Variants in ERBB4 observed in about 807,000 individuals in gnomAD.
ERBB4 encodes the protein erb-b2 receptor tyrosine kinase 4.
A neutral mutation model predicts 158.0 loss-of-function variants in ERBB4; 42 were observed. The observed-to-expected ratio is 0.27, with a 90% CI of 0.21 to 0.34. ERBB4 has a LOEUF of 0.34. Among genes scored for constraint, ERBB4 ranks in the 10% least tolerant of loss-of-function variants. The probability of loss-of-function intolerance (pLI) is 1.00; values close to 1 mark genes in which losing one functional copy is unlikely to be tolerated. For missense variants in ERBB4, 1,333 were observed against 1,624.1 expected (o/e 0.82, Z 3.08); for synonymous variants, 583 against 558.7 (o/e 1.04, Z -0.61).
intron 23 of ERBB4, among the ~76,000 whole-genome samples, chr2:211,422,697 T>C (rs774094360): frequency 1.9e-4 from 29 of 151,894 alleles, no homozygotes; most frequent in African/African-American, 6.5e-4. Flanking sequence ...AATAAAAGTA[T>C]CAAGCTTTCC....
chr2:212,009,476 T>A (rs1295306383), intron 2 of ERBB4, among the ~76,000 whole-genome samples: 2 of 151,854 alleles, frequency 1.3e-5, no homozygotes, highest in Non-Finnish European at 2.9e-5. Context: ...AGCAACACTT[T>A]GATTTTGGCC....
At chr2:212,509,934 AAC>A (rs2106273697) in intron 1 of ERBB4, among the ~76,000 whole-genome samples, 1 of 151,990 alleles carries the variant, frequency 6.6e-6, no homozygotes, top group Non-Finnish European at 1.5e-5. Context: ...ATGCTTAATT[AAC>A]AGTTAACCAT....
intron 1 of ERBB4, among the ~76,000 whole-genome samples, chr2:212,451,746 T>G (rs1505372): frequency 0.25 from 37,869 of 152,134 alleles, 5,095 homozygotes; most frequent in Non-Finnish European, 0.29. Context: ...TGTTCCGATA[T>G]TTTCCAACAT....
chr2:211,788,301 T>C, intron 3 of ERBB4, 142 bp from the exon 4 acceptor site: 1 of 661,102 alleles, frequency 1.5e-6, no homozygotes, highest in Non-Finnish European at 2.7e-6. Flanking sequence ...TTTTAAAATA[T>C]CTTTCAATGA....
At chr2:212,460,328 T>G (rs1285564655) in intron 1 of ERBB4, among the ~76,000 whole-genome samples, 2 of 152,168 alleles carry the variant, frequency 1.3e-5, no homozygotes, top group Non-Finnish European at 2.9e-5. Flanking sequence ...TGGAAGCCAA[T>G]TTGGAACTGA....
intron 16 of ERBB4, among the ~76,000 whole-genome samples, chr2:211,652,674 T>C (rs915627508): frequency 3.9e-5 from 6 of 152,126 alleles, no homozygotes; most frequent in Non-Finnish European, 7.4e-5. Flanking sequence ...GACAAGAATA[T>C]AAAATGTTTC....
rs2087073121 is a variant in ERBB4 at position 212,312,145 on chromosome 2, T to C, written c.83-187242A>G. ...ATAATCCTATGTTTCACATTGTAAC[T>C]GCAGGGGGAGAAAGCAAATGAAATG... On this transcript the variant is annotated intron_variant, in intron 1 of 27. Coordinates refer to ENST00000342788, the MANE Select transcript of ERBB4 (RefSeq NM_005235.3). 2.0e-5 allele frequency among the ~76,000 whole-genome samples: 3 copies of C among 150,936 alleles called. No homozygotes were observed. The South Asian group carries it at 6.2e-4, about 31-fold the overall frequency.
chr2:211,536,186 C>T (rs907984440), intron 20 of ERBB4, among the ~76,000 whole-genome samples: 13 of 151,908 alleles, frequency 8.6e-5, no homozygotes, highest in Non-Finnish European at 1.3e-4. Flanking sequence ...GAGTTACATT[C>T]GATAATTAAA....
At chr2:211,768,535 T>A (rs1212636596) in intron 4 of ERBB4, among the ~76,000 whole-genome samples, 1 of 152,172 alleles carries the variant, frequency 6.6e-6, no homozygotes, top group Non-Finnish European at 1.5e-5. Context: ...TTTCCATACA[T>A]CCTTAGAAAT....
intron 1 of ERBB4, among the ~76,000 whole-genome samples, chr2:212,331,441 T>C (rs2088165147): frequency 6.6e-6 from 1 of 151,660 alleles, no homozygotes. Context: ...TAACAAACAG[T>C]AATAAAAATT....
intron 3 of ERBB4, among the ~76,000 whole-genome samples, chr2:211,876,864 T>A (rs2106134381): frequency 6.6e-6 from 1 of 152,308 alleles, no homozygotes; most frequent in South Asian, 2.1e-4. Context: ...ACAAATATTT[T>A]AAAAACCTAA....
At chr2:211,924,586 C>G (rs996454667) in intron 3 of ERBB4, among the ~76,000 whole-genome samples, 4 of 151,920 alleles carry the variant, frequency 2.6e-5, no homozygotes, top group African/African-American at 9.7e-5. Flanking sequence ...TAGTAATTGG[C>G]TATAGATTAT....
Position 212,538,651 on chromosome 2 carries a change from G to T in ERBB4, c.-121C>A. 7 of 1,011,492 alleles carry T rather than the reference G, an allele frequency of 6.9e-6. No individual in the cohort carries two copies. The South Asian group carries it at 9.5e-5, about 14-fold the overall frequency. 62.7% of individuals were successfully genotyped at this position (1,011,492 alleles called of 1,614,324 possible). A position where few individuals can be genotyped will look rare whatever the true frequency, so the allele number is the denominator to read the frequency against. On this transcript the variant is annotated 5_prime_UTR_variant, in exon 1 of 28. Transcript: ENST00000342788. ...GTGGGGGTGCGAGGGGGGCGGGCGC[G>T]GCGCGCGCGGTGTGGCGACTCCCAG...
At chr2:212,402,308 A>C (rs1157562641) in intron 1 of ERBB4, among the ~76,000 whole-genome samples, 2 of 152,146 alleles carry the variant, frequency 1.3e-5, no homozygotes, top group Non-Finnish European at 2.9e-5. Context: ...TTATATGATA[A>C]AATTTCAGAA....
chr2:211,898,125 TAAGA>T (rs2079146615), intron 3 of ERBB4, among the ~76,000 whole-genome samples: 1 of 152,054 alleles, frequency 6.6e-6, no homozygotes. Flanking sequence ...CAACACATTT[TAAGA>T]GTTAGTCAGT....
intron 1 of ERBB4, among the ~76,000 whole-genome samples, chr2:212,485,944 T>C (rs932094442): frequency 6.6e-6 from 1 of 152,000 alleles, no homozygotes; most frequent in African/African-American, 2.4e-5. Context: ...CATCTCCTAA[T>C]ACCACTGCCT....
chr2:212,208,277 GT>G (rs945283619), intron 1 of ERBB4, among the ~76,000 whole-genome samples: 1 of 152,012 alleles, frequency 6.6e-6, no homozygotes, highest in African/African-American at 2.4e-5. Context: ...ATTGCTTTAG[GT>G]TTTTACTAAC....
intron 1 of ERBB4, among the ~76,000 whole-genome samples, chr2:212,381,572 T>A (rs749536347): frequency 6.6e-6 from 1 of 151,296 alleles, no homozygotes; most frequent in African/African-American, 2.4e-5. Flanking sequence ...TACCACCAAA[T>A]CAACCATTTT....
At chr2:212,148,055 A>G (rs1345687147) in intron 1 of ERBB4, among the ~76,000 whole-genome samples, 1 of 152,148 alleles carries the variant, frequency 6.6e-6, no homozygotes, top group South Asian at 2.1e-4. Flanking sequence ...TTTATTAATG[A>G]ACAATATGTT....
Sources: gnomAD v4.1 joint callset for allele counts (sites outside exome capture counted in the v4.1 genomes callset) on GRCh38, gnomAD v4.1.1 for gene constraint, MANE v1.5 for transcripts, NCBI Gene and HGNC (gene_info 2026-07-23, HGNC 2026-07-21) for gene names.